Variants in TMEM117 observed in about 807,000 individuals in gnomAD.
TMEM117 encodes the protein transmembrane protein 117.
Under a neutral mutation model 52.4 loss-of-function variants are expected in TMEM117, and 27 were observed. The observed-to-expected ratio is 0.51, with a 90% CI of 0.38 to 0.71. The LOEUF (loss-of-function observed/expected upper bound fraction) is 0.71, where lower values mean the gene tolerates loss of function less well. TMEM117 is among the 30% of genes least tolerant of loss of function. The probability of loss-of-function intolerance (pLI) is 0.00; values close to 1 mark genes in which losing one functional copy is unlikely to be tolerated. For missense variants in TMEM117, 556 were observed against 630.5 expected, an observed-to-expected ratio of 0.88 and a Z score of 1.26; for synonymous variants, 215 against 206.3, an observed-to-expected ratio of 1.04 and a Z score of -0.36.
At chr12:43,855,226 A>C (rs1327418356) in intron 2 of TMEM117, among the ~76,000 whole-genome samples, 1 of 151,868 alleles carries the variant, frequency 6.6e-6, no homozygotes, top group African/African-American at 2.4e-5. Context: ...TGGAAACTGG[A>C]TTGTGGACCT....
intron 3 of TMEM117, among the ~76,000 whole-genome samples, chr12:43,996,363 G>A (rs1447532654): frequency 6.6e-6 from 1 of 152,068 alleles, no homozygotes; most frequent in African/African-American, 2.4e-5. Context: ...AACATTATTG[G>A]CTGGGGCCAG....
chr12:44,064,030 G>A (rs1459354628), intron 3 of TMEM117, among the ~76,000 whole-genome samples: 1 of 152,052 alleles, frequency 6.6e-6, no homozygotes, highest in East Asian at 1.9e-4. Context: ...GAATTTATGG[G>A]CCTCCTGGGG....
rs200076737 is a variant in TMEM117 at position 43,844,945 on chromosome 12, A to T, written c.277+17A>T. 6 of 1,588,338 alleles carry T rather than the reference A, an allele frequency of 3.8e-6. No individual in the cohort carries two copies. The highest frequency in any genetic ancestry group is 1.9e-5 in the Admixed American group (1 of 52,646). ...GTTTGTTTGGTAAGTACCATGACCC[A>T]TGAAATGTAATATCACTAATTATTT... is the stretch of plus-strand genomic sequence containing the variant. On this transcript the variant is annotated intron_variant, in intron 2 of 7. Transcript: ENST00000266534.
At chr12:43,957,395 T>C (rs909651754) in intron 3 of TMEM117, among the ~76,000 whole-genome samples, 2 of 152,196 alleles carry the variant, frequency 1.3e-5, no homozygotes, top group Admixed American at 6.5e-5. Context: ...TCTATAGTAA[T>C]CACAGTTGAA....
At chr12:44,012,654 TA>T (rs932817553) in intron 3 of TMEM117, among the ~76,000 whole-genome samples, 2 of 152,090 alleles carry the variant, frequency 1.3e-5, no homozygotes, top group African/African-American at 4.8e-5. Context: ...CTGTAGCATT[TA>T]AAAAAAATCC....
At chr12:43,898,524 G>T (rs981640491) in intron 2 of TMEM117, among the ~76,000 whole-genome samples, 4 of 151,996 alleles carry the variant, frequency 2.6e-5, no homozygotes, top group Non-Finnish European at 5.9e-5. Flanking sequence ...AGATCTGGCT[G>T]TGGGATGGGA....
At chr12:44,392,120 C>T (rs1952164373), downstream of TMEM117, among the ~76,000 whole-genome samples, 3 of 152,098 alleles carry the variant, frequency 2.0e-5, no homozygotes, top group Non-Finnish European at 4.4e-5. Flanking sequence ...AGCTCAGAAA[C>T]GTTTGGGTTG....
intron 2 of TMEM117, among the ~76,000 whole-genome samples, chr12:43,906,308 CA>C (rs1592350464): frequency 6.6e-6 from 1 of 151,928 alleles, no homozygotes; most frequent in Admixed American, 6.6e-5. Flanking sequence ...ACTAAAAATA[CA>C]AAAATTAGCT....
intron 5 of TMEM117, among the ~76,000 whole-genome samples, chr12:44,226,286 T>G (rs888820530): frequency 2.0e-5 from 3 of 152,128 alleles, no homozygotes; most frequent in Non-Finnish European, 4.4e-5. Context: ...GACTGAGAAG[T>G]CATCTCTCTG....
intron 3 of TMEM117, among the ~76,000 whole-genome samples, chr12:43,977,717 T>C (rs1444901886): frequency 6.6e-6 from 1 of 152,120 alleles, no homozygotes; most frequent in African/African-American, 2.4e-5. Context: ...TTGAGAGTTA[T>C]ATGGGATGCC....
rs1169162228 is a variant in TMEM117 at position 44,143,618 on chromosome 12, T to C, written c.504T>C (p.Ala168=). ...CCTGGATGGGGGACTTTGTCACAGC[T>C]TGGATGGTAAGAAAATTTTAACTTC... is the stretch of plus-strand genomic sequence containing the variant. ...VGTWMGDFVT[A]WMVTDMMLQD... Residue 168 remains alanine, a synonymous_variant, in exon 4 of 8, where the codon GCT becomes GCC. Transcript: ENST00000266534. The C allele has an allele frequency of 1.9e-6, 3 of 1,612,184 alleles. No individual in the cohort carries two copies. The South Asian group carries it at 3.3e-5, about 18-fold the overall frequency.
chr12:44,227,860 T>C (rs1949883225), intron 5 of TMEM117, among the ~76,000 whole-genome samples: 1 of 152,130 alleles, frequency 6.6e-6, no homozygotes, highest in Admixed American at 6.6e-5. Flanking sequence ...AGATTTCTTT[T>C]CCCAAGGCCC....
At chr12:43,999,334 G>T (rs1400493242) in intron 3 of TMEM117, among the ~76,000 whole-genome samples, 1 of 152,182 alleles carries the variant, frequency 6.6e-6, no homozygotes, top group Non-Finnish European at 1.5e-5. Flanking sequence ...AAACTTTCTT[G>T]TGACCATGAG....
intron 3 of TMEM117, among the ~76,000 whole-genome samples, chr12:44,042,710 A>G (rs993376524): frequency 6.6e-6 from 1 of 151,378 alleles, no homozygotes; most frequent in East Asian, 2.0e-4. Flanking sequence ...TTCAACTTGT[A>G]GACAGCCTAT....
chr12:43,927,711 G>A (rs1944802520), intron 2 of TMEM117, among the ~76,000 whole-genome samples: 1 of 151,824 alleles, frequency 6.6e-6, no homozygotes, highest in Non-Finnish European at 1.5e-5. Context: ...CATGTTGTCT[G>A]AAACTAATAC....
chr12:44,140,364 T>C lies in TMEM117; in HGVS notation c.411-3161T>C, dbSNP rs575283568. Among the ~76,000 whole-genome samples the C allele has an allele frequency of 2.0e-5, 3 of 152,260 alleles. No individual in the cohort carries two copies. In the South Asian group the frequency reaches 6.2e-4, roughly 32 times the overall value. On this transcript the variant is annotated intron_variant, in intron 3 of 7. Transcript: ENST00000266534. ...GTTTCTAGGATTTAATGTATGGAGA[T>C]CTACCCATGCCATATATAAATAAAT...
At position 43,864,956 on chromosome 12, in the gene TMEM117, C is replaced by T. The variant is rs192696789; in HGVS notation, c.277+20028C>T. The stretch of plus-strand genomic sequence containing the variant: ...AAGACCGCAAACCCACCGGGAGGAA[C>T]GAACAATTCCAGACCCGCCACCTTA... On this transcript the variant is annotated intron_variant, in intron 2 of 7. Coordinates refer to ENST00000266534, the MANE Select transcript of TMEM117 (RefSeq NM_032256.3). 3.9e-5 allele frequency among the ~76,000 whole-genome samples: 6 copies of T among 152,208 alleles called. No homozygotes were observed. In the East Asian group the frequency reaches 7.7e-4, roughly 20 times the overall value.
In TMEM117 at chr12:44,225,354, T is replaced by C. The variant is rs558883614; in HGVS notation, c.608+13967T>C. On this transcript the variant is annotated intron_variant, in intron 5 of 7. Transcript: ENST00000266534. ...GCCATGAAACTACATTAAAATGTAC[T>C]TGGCATACATCTGAATTACCGCAGT... Among the ~76,000 whole-genome samples, 229 of 152,282 alleles carry C rather than the reference T, an allele frequency of 1.5e-3. 3 individuals are homozygous for C. Among genetic ancestry groups the C allele is most frequent in the African/African-American group, 5.2e-3 (215 of 41,566 alleles).
chr12:44,104,693 TC>T (rs1026240095), intron 3 of TMEM117, among the ~76,000 whole-genome samples: 1 of 152,024 alleles, frequency 6.6e-6, no homozygotes, highest in African/African-American at 2.4e-5. Context: ...CCATTTTTGT[TC>T]ATCTGTGAAT....
Sources: gnomAD v4.1 joint callset for allele counts (sites outside exome capture counted in the v4.1 genomes callset) on GRCh38, gnomAD v4.1.1 for gene constraint, MANE v1.5 for transcripts, NCBI Gene and HGNC (gene_info 2026-07-23, HGNC 2026-07-21) for gene names.